Variants in RMC1 observed in about 807,000 individuals in gnomAD.
RMC1 encodes the protein regulator of MON1-CCZ1.
A neutral mutation model predicts 95.5 loss-of-function variants in RMC1; 44 were observed. The ratio of observed to expected loss-of-function variants is 0.46; its 90% CI spans 0.36 to 0.59. RMC1 has a LOEUF of 0.59. Among genes scored for constraint, RMC1 ranks in the 20% least tolerant of loss-of-function variants. The pLI is 0.00. For synonymous variants in RMC1, 320 were observed against 303.6 expected (o/e 1.05, Z -0.56); for missense variants, 705 against 819.6 (o/e 0.86, Z 1.71).
At chr18:23,508,096 A>T in intron 4 of RMC1, 55 bp downstream of exon 4, 2 of 1,520,104 alleles carry the variant, frequency 1.3e-6, no homozygotes, top group South Asian at 2.6e-5. Context: ...GAGCTGGGTT[A>T]TGTAGTGGAG....
chr18:23,512,174 C>T (rs2057879098), intron 5 of RMC1, among the ~76,000 whole-genome samples: 2 of 151,934 alleles, frequency 1.3e-5, no homozygotes, highest in South Asian at 4.2e-4. Flanking sequence ...GCGCCCAGCA[C>T]CACGCCTGGC....
At chr18:23,527,930 C>A (rs1467873444) in intron 14 of RMC1, 29 bp downstream of exon 14, 1 of 1,521,342 alleles carries the variant, frequency 6.6e-7, no homozygotes, top group African/African-American at 1.4e-5. Flanking sequence ...GACAAAGGGT[C>A]CTCCTCCCCC....
intron 13 of RMC1, 132 bp from the exon 14 acceptor site, chr18:23,527,663 A>T: frequency 6.1e-6 from 1 of 163,920 alleles, no homozygotes; most frequent in South Asian, 9.4e-5. Context: ...AGGTCTTTAA[A>T]GTAGAGTGTC....
rs750659004 is a variant in RMC1, at chr18:23,531,694, C to A, written c.1964C>A (p.Thr655Lys). The A allele has an allele frequency of 2.7e-5, 44 of 1,609,180 alleles. No individual in the cohort carries two copies. Among genetic ancestry groups the A allele is most frequent in the Non-Finnish European group, 1.7e-6 (2 of 1,179,000 alleles). ...IFGDQALMRP[T>K]TF is the part of the protein sequence containing the mutation. Reference sequence around the variant, plus strand: ...GGAGACCAAGCTCTAATGAGGCCTACAACATTCTGAAATCACTTGCTGTTT... The same window carrying A: ...GGAGACCAAGCTCTAATGAGGCCTAAAACATTCTGAAATCACTTGCTGTTT... The change falls in exon 20 of 20, where the codon ACA becomes AAA. Residue 655 changes from threonine (T) to lysine (K), a missense_variant. Coordinates refer to ENST00000269221, the MANE Select transcript of RMC1 (RefSeq NM_013326.5).
intron 10 of RMC1, among the ~76,000 whole-genome samples, chr18:23,520,533 C>T (rs2058116315): frequency 6.6e-6 from 1 of 152,216 alleles, no homozygotes; most frequent in Admixed American, 6.5e-5. Context: ...GATCTTGGCT[C>T]ACTACAGTCT....
intron 10 of RMC1, 144 bp from the exon 11 acceptor site, chr18:23,523,986 A>T: frequency 1.1e-6 from 1 of 896,782 alleles, no homozygotes; most frequent in South Asian, 1.6e-5. Flanking sequence ...TTTCAGTGAG[A>T]CGGAACAGTT....
At chr18:23,528,884 C>CTTT in intron 14 of RMC1, 3 of 253,338 alleles carry the variant, frequency 1.2e-5, no homozygotes, top group South Asian at 5.1e-5. Flanking sequence ...ATCTGAACTG[C>CTTT]TTTTTTTTTT....
Position 23,531,728 on chromosome 18 carries a change from A to T in RMC1, c.*24A>T. ...GAAATCACTTGCTGTTTTTTTATAT[A>T]AAAATGTGTACAAAGTTAATTTATT... On this transcript the variant is annotated 3_prime_UTR_variant, in exon 20 of 20. Coordinates refer to ENST00000269221, the MANE Select transcript of RMC1 (RefSeq NM_013326.5). 1.3e-6 allele frequency: 2 copies of T among 1,597,648 alleles called. No individual in the cohort carries two copies. The highest frequency in any genetic ancestry group is 1.4e-5 in the African/African-American group (1 of 73,906).
intron 10 of RMC1, chr18:23,522,942 A>G (rs1029507827): frequency 6.6e-6 from 1 of 152,294 alleles, no homozygotes; most frequent in African/African-American, 2.4e-5. Context: ...TTTTGGGAAG[A>G]GTCAGCCACC....
At chr18:23,511,589 A>G (rs2057859673) in intron 5 of RMC1, among the ~76,000 whole-genome samples, 1 of 152,226 alleles carries the variant, frequency 6.6e-6, no homozygotes, top group South Asian at 2.1e-4. Context: ...CTCTATTTTT[A>G]AAAATAAATA....
chr18:23,527,648 C>A, intron 13 of RMC1, 147 bp from the exon 14 acceptor site: 1 of 242,868 alleles, frequency 4.1e-6, no homozygotes, highest in Non-Finnish European at 6.9e-6. Flanking sequence ...TGACATCTAG[C>A]TGTCAGGTCT....
intron 1 of RMC1, 87 bp downstream of exon 1, chr18:23,503,807 C>A: frequency 8.6e-7 from 1 of 1,164,388 alleles, no homozygotes; most frequent in Non-Finnish European, 1.2e-6. Context: ...CAGGCCCGAG[C>A]GTCCCCTCCT....
intron 19 of RMC1, 130 bp downstream of exon 19, chr18:23,530,742 G>C: frequency 1.3e-6 from 1 of 773,486 alleles, no homozygotes; most frequent in South Asian, 1.9e-5. Context: ...AGCCCACCTA[G>C]CCCTTGGCCC....
chr18:23,504,849 A>G (rs1186720267), intron 2 of RMC1: 1 of 181,536 alleles, frequency 5.5e-6, no homozygotes, highest in Non-Finnish European at 1.2e-5. Flanking sequence ...CATGGCTTCC[A>G]CTATACTTAA....
chr18:23,520,444 G>T (rs2058113803), intron 10 of RMC1, 131 bp downstream of exon 10: 1 of 751,410 alleles, frequency 1.3e-6, no homozygotes, highest in Non-Finnish European at 2.1e-6. Flanking sequence ...GTCTGATTTT[G>T]CCAGGGGCCA....
intron 16 of RMC1, 58 bp downstream of exon 16, chr18:23,529,770 A>G: frequency 6.6e-7 from 1 of 1,504,636 alleles, no homozygotes; most frequent in South Asian, 1.1e-5. Flanking sequence ...AAAAAAACAC[A>G]GTCACTGTCT....
chr18:23,528,020 C>A, intron 14 of RMC1, 119 bp downstream of exon 14: 1 of 836,618 alleles, frequency 1.2e-6, no homozygotes, highest in Non-Finnish European at 1.8e-6. Context: ...TGAGATTTGC[C>A]GCCTGCCATA....
intron 2 of RMC1, 136 bp from the exon 3 acceptor site, chr18:23,506,827 ACTGATGG>A: frequency 5.0e-6 from 3 of 605,930 alleles, no homozygotes; most frequent in Non-Finnish European, 8.9e-6. Context: ...AAGAGGTCCT[ACTGATGG>A]CTTCCGAAAC....
At position 23,518,990 on chromosome 18, in the gene RMC1, T is replaced by C; in HGVS notation, c.743+11T>C. The C allele has an allele frequency of 6.2e-7, 1 of 1,613,874 alleles. No individual in the cohort carries two copies. The highest frequency in any genetic ancestry group is 8.5e-7 in the Non-Finnish European group (1 of 1,179,706). On this transcript the variant is annotated intron_variant, in intron 8 of 19. Coordinates refer to ENST00000269221, the MANE Select transcript of RMC1 (RefSeq NM_013326.5). ...CTATCATCTACCACGGTAGATTTCA[T>C]GCTTTGTTTTCCCTCTCTCTCTGAT...
Sources: allele counts gnomAD v4.1 joint callset (sites outside exome capture counted in the v4.1 genomes callset), GRCh38; gene constraint gnomAD v4.1.1; transcripts MANE v1.5; gene names NCBI Gene and HGNC (gene_info 2026-07-23, HGNC 2026-07-21).